The following ZNF804A variants were observed in gnomAD, a reference collection of about 807,000 sequenced individuals.
The protein encoded by ZNF804A is zinc finger protein 804A.
ZNF804A carries 2 observed loss-of-function variants against 16.5 expected under a neutral mutation model. The ratio of observed to expected loss-of-function variants is 0.12; its 90% CI spans 0.05 to 0.38. ZNF804A has a LOEUF of 0.38. ZNF804A is among the 10% of genes least tolerant of loss of function. The pLI is 0.99. For synonymous variants in ZNF804A, 534 were observed against 489.6 expected (o/e 1.09, Z -1.20); for missense variants, 1,473 against 1,390.7 (o/e 1.06, Z -0.94).
intron 1 of ZNF804A, among the ~76,000 whole-genome samples, chr2:184,673,062 G>GA (rs916850087): frequency 2.1e-5 from 3 of 141,258 alleles, no homozygotes; most frequent in Non-Finnish European, 4.7e-5. Flanking sequence ...GAAAATTACA[G>GA]AAAAAAAAGA....
chr2:184,911,170 AT>A (rs1685350737), intron 2 of ZNF804A, among the ~76,000 whole-genome samples: 1 of 151,946 alleles, frequency 6.6e-6, no homozygotes, highest in Admixed American at 6.6e-5. Context: ...AGGGGTCCAG[AT>A]TCATTCTTCT....
At chr2:184,677,926 G>A (rs549099697) in intron 1 of ZNF804A, among the ~76,000 whole-genome samples, 1 of 152,086 alleles carries the variant, frequency 6.6e-6, no homozygotes, top group Non-Finnish European at 1.5e-5. Context: ...AGTCCAGGCT[G>A]TAATGTTAAA....
chr2:184,849,562 T>G (rs181716264), intron 1 of ZNF804A, among the ~76,000 whole-genome samples: 47 of 152,042 alleles, frequency 3.1e-4, no homozygotes, highest in Non-Finnish European at 5.9e-4. Flanking sequence ...TAAAATGGAT[T>G]CCATCCAAAA....
chr2:184,936,769 A>C lies in ZNF804A; in HGVS notation c.1373A>C (p.Asn458Thr). Residue 458 changes from asparagine to threonine, a missense_variant, in exon 4 of 4, where the codon AAT (asparagine) becomes ACT (threonine). Asn to Thr is a moderately conservative substitution (Grantham distance 65). Transcript: ENST00000302277. ...TTKPSISYSCNPLCFDFKSTK... is the reference protein window; with the variant it reads ...TTKPSISYSCTPLCFDFKSTK... ...AAACCATCAATTTCCTATAGCTGTA[A>C]TCCTCTATGTTTTGACTTCAAGTCT... is the stretch of plus-strand genomic sequence containing the variant. 1 of 1,613,906 alleles carries C rather than the reference A, an allele frequency of 6.2e-7. No individual in the cohort carries two copies. The highest frequency in any genetic ancestry group is 8.5e-7 in the Non-Finnish European group (1 of 1,179,902).
chr2:184,925,112 G>C (rs748366054), intron 2 of ZNF804A, among the ~76,000 whole-genome samples: 3 of 151,928 alleles, frequency 2.0e-5, no homozygotes, highest in Admixed American at 6.6e-5. Flanking sequence ...TGGAATATTC[G>C]TGCAATGCTG....
intron 1 of ZNF804A, among the ~76,000 whole-genome samples, chr2:184,750,840 C>A (rs1164632484): frequency 6.6e-6 from 1 of 151,244 alleles, no homozygotes; most frequent in African/African-American, 2.4e-5. Context: ...ACCTCTCCTG[C>A]TCCCCAAGAC....
intron 1 of ZNF804A, among the ~76,000 whole-genome samples, chr2:184,812,988 A>T (rs569152169): frequency 2.6e-5 from 4 of 152,182 alleles, no homozygotes; most frequent in Non-Finnish European, 5.9e-5. Context: ...ACTAAAAAAG[A>T]AATGCCAAAA....
intron 1 of ZNF804A, among the ~76,000 whole-genome samples, chr2:184,672,323 T>C (rs1692350445): frequency 6.6e-6 from 1 of 152,234 alleles, no homozygotes; most frequent in Non-Finnish European, 1.5e-5. Flanking sequence ...GTCCAGAATC[T>C]TGCAGAAGAA....
chr2:184,681,803 T>C (rs1440481553), intron 1 of ZNF804A, among the ~76,000 whole-genome samples: 1 of 152,196 alleles, frequency 6.6e-6, no homozygotes, highest in African/African-American at 2.4e-5. Context: ...CCAACACAAA[T>C]GCAGCTGCCC....
In ZNF804A at chr2:184,599,061, C is replaced by T. The variant is rs148666599; in HGVS notation, c.102C>T (p.Asn34=). 4.8e-5 allele frequency: 78 copies of T among 1,610,120 alleles called. No individual in the cohort carries two copies. In the African/African-American group the frequency reaches 9.7e-4, roughly 20 times the overall value. ...VFRGPLSKNG[N]KTLDYAEKEN... is the part of the protein sequence containing the mutation. ...GGGGCCCTCTCAGCAAGAACGGGAACAAAACTCTGGTAATCGCTTCTGTTT... is the reference window on the plus strand; with the variant it reads ...GGGGCCCTCTCAGCAAGAACGGGAATAAAACTCTGGTAATCGCTTCTGTTT... The change falls in exon 1 of 4, where the codon AAC becomes AAT. Residue 34 remains asparagine (N), a synonymous_variant. Transcript: ENST00000302277.
intron 2 of ZNF804A, among the ~76,000 whole-genome samples, chr2:184,872,608 G>T (rs1040494729): frequency 2.6e-5 from 4 of 152,046 alleles, no homozygotes; most frequent in Non-Finnish European, 5.9e-5. Context: ...TTTTTAAAAT[G>T]CATTAAATGG....
intron 1 of ZNF804A, among the ~76,000 whole-genome samples, chr2:184,706,921 C>T (rs539155117): frequency 1.3e-5 from 2 of 152,288 alleles, no homozygotes; most frequent in East Asian, 3.9e-4. Flanking sequence ...GTAAGCCAGA[C>T]AGAGTTTATA....
chr2:184,911,866 T>A (rs1685365055), intron 2 of ZNF804A, among the ~76,000 whole-genome samples: 1 of 151,998 alleles, frequency 6.6e-6, no homozygotes. Flanking sequence ...TTTCCTTTTT[T>A]TCCTACAATT....
chr2:184,683,149 G>A (rs761834322), intron 1 of ZNF804A, among the ~76,000 whole-genome samples: 9 of 152,010 alleles, frequency 5.9e-5, no homozygotes, highest in Admixed American at 5.2e-4. Flanking sequence ...CCTTGGCATC[G>A]TATTATGTCT....
At chr2:184,931,657 C>A (rs771099909) in intron 2 of ZNF804A, among the ~76,000 whole-genome samples, 37 of 152,186 alleles carry the variant, frequency 2.4e-4, no homozygotes, top group Admixed American at 3.9e-4. Context: ...ACCTGACATG[C>A]CTCGGAGATA....
intron 1 of ZNF804A, among the ~76,000 whole-genome samples, chr2:184,759,267 A>G (rs1162892298): frequency 6.6e-6 from 1 of 151,754 alleles, no homozygotes; most frequent in Non-Finnish European, 1.5e-5. Context: ...GTTAAAAAGT[A>G]TAGCATGCTA....
intron 1 of ZNF804A, among the ~76,000 whole-genome samples, chr2:184,618,263 C>T (rs762373791): frequency 6.6e-6 from 1 of 152,014 alleles, no homozygotes; most frequent in African/African-American, 2.4e-5. Flanking sequence ...TTGGTATAAA[C>T]ATCTGGATAC....
At chr2:184,687,306 G>A (rs1056793399) in intron 1 of ZNF804A, among the ~76,000 whole-genome samples, 1 of 152,024 alleles carries the variant, frequency 6.6e-6, no homozygotes, top group Admixed American at 6.5e-5. Context: ...CGTTACTGTC[G>A]GCCTTGTCAA....
intron 2 of ZNF804A, among the ~76,000 whole-genome samples, chr2:184,927,311 C>T (rs928877838): frequency 6.6e-6 from 1 of 152,244 alleles, no homozygotes; most frequent in African/African-American, 2.4e-5. Context: ...CAGACAAAGA[C>T]TCCTGTTCTT....
Sources: gnomAD v4.1 joint callset for allele counts (sites outside exome capture counted in the v4.1 genomes callset) on GRCh38, gnomAD v4.1.1 for gene constraint, MANE v1.5 for transcripts, NCBI Gene and HGNC (gene_info 2026-07-23, HGNC 2026-07-21) for gene names.